Variants in VRK2 observed in about 807,000 individuals in gnomAD.
The protein encoded by VRK2 is VRK serine/threonine kinase 2.
VRK2 carries 60 observed loss-of-function variants against 57.6 expected under a neutral mutation model. The observed-to-expected ratio is 1.04, with a 90% CI of 0.85 to 1.29. The LOEUF is 1.29. Ranked by LOEUF, VRK2 falls within the 50% of genes most tolerant of loss-of-function variation. VRK2 has a pLI of 0.00. For synonymous variants in VRK2, 231 were observed against 199.2 expected, an observed-to-expected ratio of 1.16 and a Z score of -1.35; for missense variants, 705 against 588.1, an observed-to-expected ratio of 1.20 and a Z score of -2.06.
At chr2:57,917,972 G>T (rs962034064) in intron 1 of VRK2, among the ~76,000 whole-genome samples, 1 of 152,044 alleles carries the variant, frequency 6.6e-6, no homozygotes, top group Non-Finnish European at 1.5e-5. Flanking sequence ...ATTTGGTAAG[G>T]TTGATCATTT....
At chr2:58,116,777 G>T (rs549586283) in intron 7 of VRK2, among the ~76,000 whole-genome samples, 1 of 152,180 alleles carries the variant, frequency 6.6e-6, no homozygotes, top group Non-Finnish European at 1.5e-5. Context: ...TGAACAGTCC[G>T]ATTTCCCATG....
intron 7 of VRK2, among the ~76,000 whole-genome samples, chr2:58,095,652 G>A (rs1673032778): frequency 6.6e-6 from 1 of 152,036 alleles, no homozygotes; most frequent in African/African-American, 2.4e-5. Context: ...GTGGTTCAGA[G>A]TGGTTTTAGT....
intron 1 of VRK2, among the ~76,000 whole-genome samples, chr2:57,966,643 T>G (rs1305766449): frequency 6.6e-6 from 1 of 152,080 alleles, no homozygotes; most frequent in Non-Finnish European, 1.5e-5. Context: ...TACAAACGCT[T>G]TTCAGAAAAA....
chr2:58,057,915 G>A (rs1291200539), intron 2 of VRK2, among the ~76,000 whole-genome samples: 2 of 152,044 alleles, frequency 1.3e-5, no homozygotes, highest in Non-Finnish European at 2.9e-5. Flanking sequence ...AGAAAAGAAG[G>A]CCAAAGTTGA....
intron 2 of VRK2, among the ~76,000 whole-genome samples, chr2:58,082,506 C>A (rs1459003578): frequency 1.3e-5 from 2 of 151,834 alleles, no homozygotes; most frequent in Non-Finnish European, 2.9e-5. Context: ...CAGGATATTT[C>A]TCCTTAGCCT....
chr2:58,049,983 G>C (rs116537905), intron 2 of VRK2, among the ~76,000 whole-genome samples: 80 of 152,110 alleles, frequency 5.3e-4, no homozygotes, highest in African/African-American at 1.9e-3. Context: ...ACAAAAAATT[G>C]TATGAGTCAA....
At position 58,100,803 on chromosome 2, in the gene VRK2, AAAAT is replaced by A. The variant is rs1391690380; in HGVS notation, c.543+11084_543+11087del. Among the ~76,000 whole-genome samples, 7 of 151,788 alleles carry A rather than the reference AAAAT, an allele frequency of 4.6e-5. 1 individual carries two copies. Among genetic ancestry groups the A allele is most frequent in the African/African-American group, 1.2e-4 (5 of 41,408 alleles). ...TTCTCTCAGTATTATTTTTCAAAGA[AAAAT>A]AAACTCTATGCTAAATTTTATTTCC... On this transcript the variant is annotated intron_variant, in intron 7 of 12. Coordinates refer to ENST00000340157, the MANE Select transcript of VRK2 (RefSeq NM_006296.7).
At chr2:58,133,325 G>C (rs1266081233) in intron 9 of VRK2, among the ~76,000 whole-genome samples, 1 of 152,010 alleles carries the variant, frequency 6.6e-6, no homozygotes, top group Non-Finnish European at 1.5e-5. Context: ...TCTTACATAT[G>C]TTAATATCTT....
chr2:58,134,098 T>C (rs180819007), intron 9 of VRK2, among the ~76,000 whole-genome samples: 1 of 152,142 alleles, frequency 6.6e-6, no homozygotes, highest in Non-Finnish European at 1.5e-5. Flanking sequence ...AGTCTCACTC[T>C]GACCTTCTCC....
rs142382328 is a variant in VRK2 at position 58,088,134 on chromosome 2, C to T, written c.345-207C>T. Among the ~76,000 whole-genome samples, 7 of 152,278 alleles carry T rather than the reference C, an allele frequency of 4.6e-5. No individual in the cohort carries two copies. The East Asian group carries it at 1.2e-3, about 25-fold the overall frequency. ...TGTGAATGGTTCAGTACAGCATTCTCTTATAGAAAATCAGCTGCAAAGTAA... is the reference window on the plus strand; with the variant it reads ...TGTGAATGGTTCAGTACAGCATTCTTTTATAGAAAATCAGCTGCAAAGTAA... On this transcript the variant is annotated intron_variant, in intron 5 of 12. Coordinates refer to ENST00000340157, the MANE Select transcript of VRK2 (RefSeq NM_006296.7).
At chr2:58,092,857 C>T (rs1477391536) in intron 7 of VRK2, among the ~76,000 whole-genome samples, 1 of 152,148 alleles carries the variant, frequency 6.6e-6, no homozygotes, top group Non-Finnish European at 1.5e-5. Flanking sequence ...TGTTCCCCTT[C>T]CTATGTCCAA....
Position 58,146,455 on chromosome 2 carries a change from T to G in VRK2, c.1163T>G (p.Met388Arg). The part of the protein sequence containing the change: ...VQKEEKLIGL[M>R]NNEAAQESTR... Reference sequence around the variant, plus strand: ...AAAGAGGAGAAACTGATTGGATTGATGAACAATGAAGCAGCTCAGGTGAGA... The same window carrying G: ...AAAGAGGAGAAACTGATTGGATTGAGGAACAATGAAGCAGCTCAGGTGAGA... Residue 388 changes from methionine to arginine, a missense_variant, in exon 12 of 13, where the codon ATG becomes AGG. Met to Arg is a moderately conservative substitution (Grantham distance 91). Transcript: ENST00000340157. The G allele has an allele frequency of 6.2e-7, 1 of 1,610,516 alleles. No individual in the cohort carries two copies. Among genetic ancestry groups the G allele is most frequent in the Non-Finnish European group, 8.5e-7 (1 of 1,177,678 alleles).
intron 1 of VRK2, among the ~76,000 whole-genome samples, chr2:57,923,392 T>C (rs1467819535): frequency 2.0e-5 from 3 of 152,046 alleles, no homozygotes; most frequent in Non-Finnish European, 4.4e-5. Context: ...CCAGTATTTG[T>C]TATTTCCTGT....
chr2:58,106,347 A>G (rs1415397519), intron 7 of VRK2, among the ~76,000 whole-genome samples: 1 of 152,062 alleles, frequency 6.6e-6, no homozygotes, highest in Non-Finnish European at 1.5e-5. Flanking sequence ...TCACAGTCCT[A>G]TTTAATCAAA....
Position 58,056,629 on chromosome 2 carries a change from C to T in VRK2, c.136+7662C>T, listed in dbSNP as rs372328289. Among the ~76,000 whole-genome samples, 30 of 152,308 alleles carry T rather than the reference C, an allele frequency of 2.0e-4. No homozygotes were observed. In the South Asian group the frequency reaches 6.2e-3, roughly 32 times the overall value. Reference sequence around the variant, plus strand: ...TGTGGCTACTCACCCCACTTCCTCTCATCTTCCCATTCTGCATCACGTGTT... The same window carrying T: ...TGTGGCTACTCACCCCACTTCCTCTTATCTTCCCATTCTGCATCACGTGTT... On this transcript the variant is annotated intron_variant, in intron 2 of 12. Coordinates refer to ENST00000340157, the MANE Select transcript of VRK2 (RefSeq NM_006296.7).
intron 2 of VRK2, among the ~76,000 whole-genome samples, chr2:58,072,814 G>A (rs564131683): frequency 2.0e-5 from 3 of 151,878 alleles, no homozygotes; most frequent in African/African-American, 7.2e-5. Context: ...TTCTAGGAGA[G>A]ATTGTAGAGA....
chr2:57,920,370 A>G (rs1182178170), intron 1 of VRK2, among the ~76,000 whole-genome samples: 1 of 152,276 alleles, frequency 6.6e-6, no homozygotes, highest in East Asian at 1.9e-4. Context: ...CAGAATTTCA[A>G]TAAGAGGCAA....
At position 57,921,290 on chromosome 2, in the gene VRK2, A is replaced by G. The variant is rs969651721; in HGVS notation, c.-439+13451A>G. ...GCCCAGGTAATTCTTAAGCGCGCAC[A>G]CACACACACACACACACACACTCAC... On this transcript the variant is annotated intron_variant, in intron 1 of 15. Coordinates refer to the VRK2 transcript ENST00000417641. Among the ~76,000 whole-genome samples the G allele has an allele frequency of 8.6e-3, 1,242 of 144,052 alleles. 10 individuals carry two copies. Among genetic ancestry groups the G allele is most frequent in the Non-Finnish European group, 0.012 (799 of 65,814 alleles). 94.5% of individuals were successfully genotyped at this position (144,052 alleles called of 152,430 possible).
At chr2:57,929,512 G>A (rs1670651534) in intron 1 of VRK2, among the ~76,000 whole-genome samples, 1 of 152,160 alleles carries the variant, frequency 6.6e-6, no homozygotes, top group Non-Finnish European at 1.5e-5. Flanking sequence ...ACCAAGGCCT[G>A]GAATCAGGGA....
Sources: gnomAD v4.1 joint callset for allele counts (sites outside exome capture counted in the v4.1 genomes callset) on GRCh38, gnomAD v4.1.1 for gene constraint, MANE v1.5 for transcripts, NCBI Gene and HGNC (gene_info 2026-07-23, HGNC 2026-07-21) for gene names.